Variants in TPGS2 observed in about 807,000 individuals in gnomAD.
The protein encoded by TPGS2 is polyglutamylase subunit 2.
Under a neutral mutation model 31.1 loss-of-function variants are expected in TPGS2, and 26 were observed. The ratio of observed to expected loss-of-function variants is 0.84; its 90% confidence interval spans 0.61 to 1.16. TPGS2 has a LOEUF of 1.16. Among genes scored for constraint, TPGS2 ranks in the 50% most tolerant of loss-of-function variants. TPGS2 has a pLI of 0.00. For synonymous variants in TPGS2, 130 were observed against 136.6 expected (o/e 0.95, Z 0.34); for missense variants, 351 against 363.8 (o/e 0.96, Z 0.29).
At chr18:36,810,770 C>A (rs1470931261) in intron 2 of TPGS2, among the ~76,000 whole-genome samples, 2 of 152,106 alleles carry the variant, frequency 1.3e-5, no homozygotes, top group Non-Finnish European at 2.9e-5. Flanking sequence ...AGAAAGAGTC[C>A]ATCACAAGCT....
downstream of TPGS2, among the ~76,000 whole-genome samples, chr18:36,790,426 C>T (rs184333263): frequency 2.0e-5 from 3 of 152,240 alleles, no homozygotes; most frequent in East Asian, 1.9e-4. Context: ...TCATAATGCT[C>T]GCTACATTTA....
chr18:36,821,353 T>C (rs2045888049), intron 1 of TPGS2, among the ~76,000 whole-genome samples: 1 of 152,112 alleles, frequency 6.6e-6, no homozygotes, highest in Non-Finnish European at 1.5e-5. Context: ...CTGCGACCAC[T>C]TGAGAGACCC....
intron 1 of TPGS2, chr18:36,823,823 C>T (rs1255511076): frequency 1.0e-6 from 1 of 985,172 alleles, no homozygotes; most frequent in Non-Finnish European, 1.2e-6. Flanking sequence ...TTGCTTTTGC[C>T]ATTTAATGTA....
downstream of TPGS2, among the ~76,000 whole-genome samples, chr18:36,780,676 G>T (rs559093414): frequency 6.6e-6 from 1 of 152,296 alleles, no homozygotes; most frequent in South Asian, 2.1e-4. Flanking sequence ...CCACAAATCC[G>T]TAAGAACATG....
chr18:36,780,372 A>G (rs1344845711), downstream of TPGS2, among the ~76,000 whole-genome samples: 3 of 152,238 alleles, frequency 2.0e-5, no homozygotes, highest in African/African-American at 7.2e-5. Context: ...AGCAGTTTAC[A>G]AATCTGAACT....
At chr18:36,785,546 G>A (rs2044107937) in intron 6 of TPGS2, among the ~76,000 whole-genome samples, 1 of 152,136 alleles carries the variant, frequency 6.6e-6, no homozygotes, top group Non-Finnish European at 1.5e-5. Context: ...ATACTTTCTC[G>A]AGGGAGGGCC....
At chr18:36,781,335 C>G (rs1329552115), downstream of TPGS2, among the ~76,000 whole-genome samples, 2 of 152,174 alleles carry the variant, frequency 1.3e-5, no homozygotes, top group Admixed American at 1.3e-4. Flanking sequence ...CATCAGGTCA[C>G]TAATTCCACC....
At chr18:36,814,921 G>C (rs949614005) in intron 2 of TPGS2, among the ~76,000 whole-genome samples, 3 of 152,192 alleles carry the variant, frequency 2.0e-5, no homozygotes, top group Admixed American at 2.0e-4. Context: ...TGAGTTTCAG[G>C]GATAGAGTCT....
At position 36,799,146 on chromosome 18, in the gene TPGS2, C is replaced by G. The variant is rs533712492; in HGVS notation, c.497-537G>C. Among the ~76,000 whole-genome samples the G allele has an allele frequency of 3.3e-5, 5 of 152,302 alleles. No homozygotes were observed. The East Asian group carries it at 9.7e-4, about 29-fold the overall frequency. Reference sequence around the variant, plus strand: ...AGTTTGTGACTTTCCATTCTTACTACTTCAAGCCTATCTTACTTCCTCTGC... The same window carrying G: ...AGTTTGTGACTTTCCATTCTTACTAGTTCAAGCCTATCTTACTTCCTCTGC... On this transcript the variant is annotated intron_variant, in intron 5 of 6. Coordinates refer to ENST00000334295, the MANE Select transcript of TPGS2 (RefSeq NM_015476.4).
downstream of TPGS2, chr18:36,789,759 C>T (rs1247546371): frequency 6.6e-6 from 1 of 152,134 alleles, no homozygotes; most frequent in Non-Finnish European, 1.5e-5. Flanking sequence ...GGTTTCCACC[C>T]TACTGTTCTC....
chr18:36,792,334 G>A (rs1171999221), downstream of TPGS2, among the ~76,000 whole-genome samples: 1 of 152,308 alleles, frequency 6.6e-6, no homozygotes, highest in East Asian at 1.9e-4. Context: ...CTGGTCATGA[G>A]TTGACAATTG....
At chr18:36,807,344 G>A (rs549716230) in intron 3 of TPGS2, among the ~76,000 whole-genome samples, 1 of 152,302 alleles carries the variant, frequency 6.6e-6, no homozygotes, top group Admixed American at 6.5e-5. Flanking sequence ...GTGAATTGAG[G>A]TAGCTGGTGA....
chr18:36,816,904 C>A (rs902661486), intron 2 of TPGS2, among the ~76,000 whole-genome samples: 1 of 152,180 alleles, frequency 6.6e-6, no homozygotes, highest in African/African-American at 2.4e-5. Flanking sequence ...ACCACGCCAG[C>A]CTGGCAGTTC....
At chr18:36,806,948 G>A (rs1292476753) in intron 3 of TPGS2, among the ~76,000 whole-genome samples, 1 of 150,766 alleles carries the variant, frequency 6.6e-6, no homozygotes, top group South Asian at 2.1e-4. Context: ...GAACTCAGGT[G>A]TGTAGGTAGA....
chr18:36,805,279 T>C (rs1416853204), intron 4 of TPGS2, 95 bp downstream of exon 4: 1 of 1,397,640 alleles, frequency 7.2e-7, no homozygotes, highest in Non-Finnish European at 1.0e-6. Context: ...ATCTTTAACA[T>C]TCATTCATGC....
Position 36,807,882 on chromosome 18 carries a change from T to C in TPGS2, c.218A>G (p.Asn73Ser), listed in dbSNP as rs1483118839. The C allele has an allele frequency of 3.1e-6, 5 of 1,614,130 alleles. No individual in the cohort carries two copies. Among genetic ancestry groups the C allele is most frequent in the South Asian group, 1.1e-5 (1 of 91,068 alleles). Residue 73 changes from asparagine to serine, a missense_variant, in exon 3 of 7, where the codon AAT (asparagine) becomes AGT (serine). Transcript: ENST00000334295. Reference sequence around the variant, plus strand: ...CACACTCCATGTCATGTGGAAGCCATTGGTCATCAGGTAAAAGTTCTTCAC... The same window carrying C: ...CACACTCCATGTCATGTGGAAGCCACTGGTCATCAGGTAAAAGTTCTTCAC... Reference protein sequence around the residue: ...EDVKNFYLMTNGFHMTWSVKL... With the variant: ...EDVKNFYLMTSGFHMTWSVKL...
rs139703292 is a variant in TPGS2 at position 36,786,937 on chromosome 18, C to T, written c.658-3806G>A. On this transcript the variant is annotated intron_variant, in intron 6 of 6. Transcript: ENST00000587129. ...GCGCCTGCTGCACACGCTACAGCTC[C>T]GGGGCTTCATGCTGCTGACTCTTTG... 1.6e-3 allele frequency: 1,946 copies of T among 1,234,394 alleles called. 8 individuals are homozygous for T. Among genetic ancestry groups the T allele is most frequent in the Non-Finnish European group, 1.4e-3 (1,409 of 988,188 alleles). The allele number at this position is 1,234,394 out of a possible 1,614,324, so 76.5% of individuals were successfully genotyped here. A position where few individuals can be genotyped will look rare whatever the true frequency, so the allele number is the denominator to read the frequency against.
chr18:36,793,494 T>C (rs1222472796), downstream of TPGS2, among the ~76,000 whole-genome samples: 2 of 152,332 alleles, frequency 1.3e-5, no homozygotes, highest in East Asian at 1.9e-4. Context: ...ATGAATGACC[T>C]ATGTCATTCA....
At chr18:36,783,218 C>G (rs1160926051) in intron 6 of TPGS2, 4 of 391,610 alleles carry the variant, frequency 1.0e-5, no homozygotes, top group Non-Finnish European at 1.8e-5. Flanking sequence ...TGCTTGTTTC[C>G]CCTCTCTTGA....
Sources: gnomAD v4.1 joint callset for allele counts (sites outside exome capture counted in the v4.1 genomes callset) on GRCh38, gnomAD v4.1.1 for gene constraint, MANE v1.5 for transcripts, NCBI Gene and HGNC (gene_info 2026-07-23, HGNC 2026-07-21) for gene names.